The following USP14 variants were observed in gnomAD, a reference collection of about 807,000 sequenced individuals.
USP14 encodes the protein ubiquitin specific peptidase 14.
USP14 carries 38 observed loss-of-function variants against 76.5 expected under a neutral mutation model. The observed-to-expected ratio is 0.50, with a 90% CI of 0.38 to 0.65. The LOEUF (loss-of-function observed/expected upper bound fraction) is 0.65, where lower values mean the gene tolerates loss of function less well. Ranked by LOEUF, USP14 falls within the 30% of genes least tolerant of loss-of-function variation. The pLI is 0.00. For missense variants in USP14, 467 were observed against 586.5 expected, an observed-to-expected ratio of 0.80 and a Z score of 2.10; for synonymous variants, 192 against 191.7, an observed-to-expected ratio of 1.00 and a Z score of -0.01.
intron 10 of USP14, 77 bp from the exon 11 acceptor site, chr18:202,803 C>A: frequency 6.9e-7 from 1 of 1,441,238 alleles, no homozygotes; most frequent in Non-Finnish European, 9.7e-7. Flanking sequence ...TTTTAAAAGG[C>A]TTACTGGTGT....
At chr18:208,071 A>G (rs1910575615) in intron 13 of USP14, among the ~76,000 whole-genome samples, 1 of 151,696 alleles carries the variant, frequency 6.6e-6, no homozygotes, top group African/African-American at 2.4e-5. Context: ...TACTTTCAGG[A>G]GTTTTATTTG....
chr18:204,760 T>A lies in USP14; in HGVS notation c.1164+68T>A, dbSNP rs191566847. 2.6e-4 allele frequency: 403 copies of A among 1,553,986 alleles called. 5 individuals are homozygous for A. In the East Asian group the frequency reaches 7.5e-3, roughly 29 times the overall value. On this transcript the variant is annotated intron_variant, in intron 13 of 15. Transcript: ENST00000261601. ...TCCCATCAGTGCTCAGCAATTACTC[T>A]GTCTTTTTTTTCCTGCTTCATTTTT...
chr18:196,473 G>A (rs1026750462), intron 6 of USP14, 164 bp from the exon 7 acceptor site: 6 of 576,348 alleles, frequency 1.0e-5, no homozygotes, highest in African/African-American at 2.0e-5. Flanking sequence ...GCGGTGAGCC[G>A]AGATCGCGCC....
intron 5 of USP14, among the ~76,000 whole-genome samples, chr18:183,239 G>T: frequency 6.6e-6 from 1 of 151,730 alleles, no homozygotes; most frequent in Non-Finnish European, 1.5e-5. Context: ...CACTATTTTT[G>T]TGTGTCCATG....
chr18:160,553 T>C (rs767583291), intron 1 of USP14, among the ~76,000 whole-genome samples: 4 of 152,276 alleles, frequency 2.6e-5, no homozygotes, highest in South Asian at 2.1e-4. Flanking sequence ...GTGCCTCTTA[T>C]AGAGTTAGGG....
chr18:162,601 T>TTC lies in USP14; in HGVS notation c.17-695_17-694dup, dbSNP rs542492530. Among the ~76,000 whole-genome samples the TTC allele has an allele frequency of 4.6e-3, 698 of 152,010 alleles. 6 individuals carry two copies. The highest frequency in any genetic ancestry group is 7.7e-3 in the Non-Finnish European group (521 of 67,942). The stretch of plus-strand genomic sequence containing the variant: ...CTTCTTCTCTTAAACTATCTAACCT[T>TTC]TCTCTCTCTCTCTTCTTTTCCAATG... On this transcript the variant is annotated intron_variant, in intron 1 of 15. Coordinates refer to ENST00000261601, the MANE Select transcript of USP14 (RefSeq NM_005151.4).
rs1057039044 is a variant in USP14, at chr18:213,838, C to T, written c.*2554C>T. 3.3e-5 allele frequency: 5 copies of T among 152,256 alleles called. No homozygotes were observed. In the East Asian group the frequency reaches 5.8e-4, roughly 18 times the overall value. The allele number at this position is 152,256 out of a possible 1,614,324, so 9.4% of individuals were successfully genotyped here. On this transcript the variant is annotated 3_prime_UTR_variant, in exon 16 of 16. Coordinates refer to ENST00000261601, the MANE Select transcript of USP14 (RefSeq NM_005151.4). Reference sequence around the variant, plus strand: ...TCACATATATCTCAGTTGAATGTCACAAGAATCCCTGAAGTGATTAAAAGT... The same window carrying T: ...TCACATATATCTCAGTTGAATGTCATAAGAATCCCTGAAGTGATTAAAAGT...
intron 5 of USP14, among the ~76,000 whole-genome samples, chr18:191,489 G>T (rs1910086505): frequency 6.6e-6 from 1 of 152,058 alleles, no homozygotes; most frequent in South Asian, 2.1e-4. Context: ...TTTGACAAAT[G>T]CAAATTCTCT....
intron 1 of USP14, among the ~76,000 whole-genome samples, chr18:161,603 A>T (rs1289074389): frequency 6.6e-6 from 1 of 152,016 alleles, no homozygotes; most frequent in African/African-American, 2.4e-5. Flanking sequence ...GTTTATGGAG[A>T]GTCTTCCCAA....
intron 13 of USP14, among the ~76,000 whole-genome samples, chr18:207,768 T>C (rs1910567396): frequency 6.6e-6 from 1 of 152,248 alleles, no homozygotes; most frequent in Non-Finnish European, 1.5e-5. Context: ...TAATGTTTTA[T>C]AGTTTTCAGT....
chr18:210,516 C>T (rs1385016804), intron 15 of USP14, 23 bp downstream of exon 15: 3 of 1,484,328 alleles, frequency 2.0e-6, no homozygotes. Context: ...CTTTTTTCAA[C>T]TGTTCAATAT....
At chr18:180,374 C>T in intron 5 of USP14, 35 bp downstream of exon 5, 2 of 1,333,606 alleles carry the variant, frequency 1.5e-6, no homozygotes, top group Non-Finnish European at 2.1e-6. Context: ...AAGGGATGTT[C>T]ACATTTGGAT....
In USP14 at chr18:214,560, C is replaced by A; in HGVS notation, c.*3276C>A. On this transcript the variant is annotated 3_prime_UTR_variant, in exon 16 of 16. Coordinates refer to ENST00000261601, the MANE Select transcript of USP14 (RefSeq NM_005151.4). ...TTATTGTTTACCAAAACCAGTGGAC[C>A]TCTTATCAAATGCTGCTTGGTAACA... The A allele has an allele frequency of 7.6e-7, 1 of 1,316,004 alleles. No homozygotes were observed. Among genetic ancestry groups the A allele is most frequent in the Non-Finnish European group, 1.1e-6 (1 of 945,924 alleles). 81.5% of individuals were successfully genotyped at this position (1,316,004 alleles called of 1,614,324 possible). A position where few individuals can be genotyped will look rare whatever the true frequency, so the allele number is the denominator to read the frequency against.
Position 202,944 on chromosome 18 carries a change from C to T in USP14, c.941C>T (p.Ser314Phe). The T allele has an allele frequency of 6.2e-7, 1 of 1,614,100 alleles. No individual in the cohort carries two copies. The highest frequency in any genetic ancestry group is 8.5e-7 in the Non-Finnish European group (1 of 1,179,984). ...CAAAGAAATGCCTTGTATATCAAATCTGTAAGTTATGCAGTCCTTTCGAAG... is the reference window on the plus strand; with the variant it reads ...CAAAGAAATGCCTTGTATATCAAATTTGTAAGTTATGCAGTCCTTTCGAAG... ...TLQRNALYIK[S>F]SKISRLPAYL... The change falls in exon 11 of 16, where the codon TCT becomes TTT. Residue 314 changes from serine to phenylalanine, a missense_variant and splice_region_variant. Physicochemically the swap from Ser to Phe is radical, Grantham distance 155. Transcript: ENST00000261601.
chr18:209,260 T>C (rs1291501964), intron 13 of USP14, among the ~76,000 whole-genome samples: 2 of 152,226 alleles, frequency 1.3e-5, no homozygotes, highest in Non-Finnish European at 2.9e-5. Flanking sequence ...AAAAAAGATG[T>C]GATTAACCTA....
intron 3 of USP14, among the ~76,000 whole-genome samples, chr18:168,433 G>A (rs1178736159): frequency 6.6e-6 from 1 of 151,896 alleles, no homozygotes; most frequent in South Asian, 2.1e-4. Flanking sequence ...TAATTGATAA[G>A]CAAATGACTT....
rs1003294251 is a variant in USP14, at chr18:188,766, C to T, written c.405-4076C>T. 9.2e-5 allele frequency among the ~76,000 whole-genome samples: 14 copies of T among 152,094 alleles called. No individual in the cohort carries two copies. In the South Asian group the frequency reaches 2.3e-3, roughly 25 times the overall value. On this transcript the variant is annotated intron_variant, in intron 5 of 15. Coordinates refer to ENST00000261601, the MANE Select transcript of USP14 (RefSeq NM_005151.4). ...GATCTCGGCTCACTGCAACCTCCGCCTCCTGGGTTCGAGCGATTCTCCTGC... is the reference window on the plus strand; with the variant it reads ...GATCTCGGCTCACTGCAACCTCCGCTTCCTGGGTTCGAGCGATTCTCCTGC...
intron 13 of USP14, among the ~76,000 whole-genome samples, chr18:205,522 C>T (rs1164957237): frequency 6.6e-6 from 1 of 152,038 alleles, no homozygotes. Flanking sequence ...GCTAGTAATC[C>T]CAGGACTTTG....
At position 210,569 on chromosome 18, in the gene USP14, T is replaced by C. The variant is rs899021994; in HGVS notation, c.1333+76T>C. ...TATTATAAATTTTATAGCAGTGTGGTTTTCAAACTTTGGGTCTCAGAACCA... is the reference window on the plus strand; with the variant it reads ...TATTATAAATTTTATAGCAGTGTGGCTTTCAAACTTTGGGTCTCAGAACCA... On this transcript the variant is annotated intron_variant, in intron 15 of 15. Coordinates refer to ENST00000261601, the MANE Select transcript of USP14 (RefSeq NM_005151.4). 32 of 1,134,510 alleles carry C rather than the reference T, an allele frequency of 2.8e-5. No individual in the cohort carries two copies. In the Middle Eastern group the frequency reaches 1.1e-3, roughly 38 times the overall value. 70.3% of individuals were successfully genotyped at this position (1,134,510 alleles called of 1,614,324 possible).
Sources: gnomAD v4.1 joint callset for allele counts (sites outside exome capture counted in the v4.1 genomes callset) on GRCh38, gnomAD v4.1.1 for gene constraint, MANE v1.5 for transcripts, NCBI Gene and HGNC (gene_info 2026-07-23, HGNC 2026-07-21) for gene names.